Variants in GPM6A observed in about 807,000 individuals in gnomAD.
GPM6A encodes glycoprotein M6A, also known as neuronal membrane glycoprotein M6-a.
Under a neutral mutation model 32.1 loss-of-function variants are expected in GPM6A, and 7 were observed. That is an observed-to-expected ratio of 0.22 (90% CI 0.12 to 0.41). The LOEUF is 0.41. Among genes scored for constraint, GPM6A ranks in the 10% least tolerant of loss-of-function variants. The pLI is 1.00. For missense variants in GPM6A, 235 were observed against 347.2 expected, an observed-to-expected ratio of 0.68 and a Z score of 2.57; for synonymous variants, 130 against 123.4, an observed-to-expected ratio of 1.05 and a Z score of -0.35.
intron 1 of GPM6A, among the ~76,000 whole-genome samples, chr4:175,931,691 C>G (rs1488895544): frequency 6.8e-6 from 1 of 147,988 alleles, no homozygotes; most frequent in East Asian, 2.0e-4. Context: ...CACACACACA[C>G]ACACACACAC....
At chr4:175,860,403 T>A (rs987494540) in intron 1 of GPM6A, among the ~76,000 whole-genome samples, 2 of 152,134 alleles carry the variant, frequency 1.3e-5, no homozygotes, top group African/African-American at 4.8e-5. Context: ...AAGAATATAC[T>A]AGATTCTATG....
chr4:175,908,422 T>A (rs1738198937), intron 1 of GPM6A, among the ~76,000 whole-genome samples: 1 of 152,104 alleles, frequency 6.6e-6, no homozygotes, highest in Admixed American at 6.6e-5. Flanking sequence ...ACTGCCAATA[T>A]CCTACCAGTC....
intron 1 of GPM6A, among the ~76,000 whole-genome samples, chr4:175,868,101 C>T (rs1018294271): frequency 6.6e-6 from 1 of 152,200 alleles, no homozygotes; most frequent in Non-Finnish European, 1.5e-5. Flanking sequence ...GAGTTGTCCA[C>T]ATCAAGCCTC....
chr4:175,933,047 T>G (rs1311200077), intron 1 of GPM6A, among the ~76,000 whole-genome samples: 3 of 151,870 alleles, frequency 2.0e-5, no homozygotes, highest in African/African-American at 4.8e-5. Flanking sequence ...CTATATACTT[T>G]GTACAAGAAA....
At chr4:175,927,549 G>T (rs569152497) in intron 1 of GPM6A, among the ~76,000 whole-genome samples, 3 of 152,360 alleles carry the variant, frequency 2.0e-5, no homozygotes, top group Admixed American at 2.0e-4. Context: ...TGGATGCCTT[G>T]TTCATAGTTA....
intron 1 of GPM6A, among the ~76,000 whole-genome samples, chr4:175,774,433 A>C (rs897065810): frequency 6.6e-6 from 1 of 152,022 alleles, no homozygotes; most frequent in Admixed American, 6.6e-5. Context: ...CTCCCCTCTA[A>C]TCTTTAATAC....
intron 1 of GPM6A, among the ~76,000 whole-genome samples, chr4:175,831,601 C>A (rs1735612456): frequency 6.6e-6 from 1 of 152,204 alleles, no homozygotes; most frequent in South Asian, 2.1e-4. Flanking sequence ...CTACTCCCAC[C>A]CTTCTCCACC....
chr4:175,716,914 C>A (rs1198528168), intron 1 of GPM6A, among the ~76,000 whole-genome samples: 1 of 152,184 alleles, frequency 6.6e-6, no homozygotes, highest in Admixed American at 6.5e-5. Flanking sequence ...ATATGTGTCT[C>A]ATGGAAACAG....
chr4:175,957,620 G>A lies in GPM6A; in HGVS notation c.-23+44689C>T, dbSNP rs147394194. ...GGAGAAATACGTAATGTAGATGACC[G>A]GTTGATGGGTGCAGCAAACCACCAT... On this transcript the variant is annotated intron_variant, in intron 1 of 7. Transcript: ENST00000280187. Among the ~76,000 whole-genome samples, 640 of 152,146 alleles carry A rather than the reference G, an allele frequency of 4.2e-3. 6 individuals carry two copies. The highest frequency in any genetic ancestry group is 0.015 in the African/African-American group (616 of 41,508).
chr4:175,953,512 T>C (rs1313784467), intron 1 of GPM6A, among the ~76,000 whole-genome samples: 1 of 152,218 alleles, frequency 6.6e-6, no homozygotes. Context: ...CATGTCATTA[T>C]TTTTAGTTAA....
intron 1 of GPM6A, among the ~76,000 whole-genome samples, chr4:175,964,406 G>T (rs1462752918): frequency 6.6e-6 from 1 of 152,074 alleles, no homozygotes; most frequent in Non-Finnish European, 1.5e-5. Flanking sequence ...TAGTTCGCAG[G>T]GGCTATCATA....
intron 1 of GPM6A, among the ~76,000 whole-genome samples, chr4:175,831,715 C>CTCTTT (rs1553993666): frequency 1.4e-5 from 1 of 69,938 alleles, no homozygotes; most frequent in African/African-American, 5.6e-5. Context: ...TTAGCCATCT[C>CTCTTT]TTTTTTTTTT....
At chr4:175,715,017 C>T (rs540279950) in intron 1 of GPM6A, among the ~76,000 whole-genome samples, 54 of 150,322 alleles carry the variant, frequency 3.6e-4, no homozygotes, top group Non-Finnish European at 5.8e-4. Flanking sequence ...AAAAAACTAG[C>T]TTGAATTCCA....
chr4:175,995,585 C>T (rs776585491), intron 1 of GPM6A, among the ~76,000 whole-genome samples: 3 of 152,004 alleles, frequency 2.0e-5, no homozygotes, highest in Admixed American at 6.6e-5. Flanking sequence ...CATCATCAGT[C>T]GGATTACATG....
intron 1 of GPM6A, among the ~76,000 whole-genome samples, chr4:175,900,497 C>CAAAA (rs57140730): frequency 6.9e-6 from 1 of 144,250 alleles, no homozygotes; most frequent in Non-Finnish European, 1.5e-5. Flanking sequence ...ATACAAATGG[C>CAAAA]AAAAAAAAAA....
chr4:175,679,473 C>T (rs978600708), intron 2 of GPM6A, among the ~76,000 whole-genome samples: 1 of 152,068 alleles, frequency 6.6e-6, no homozygotes, highest in Non-Finnish European at 1.5e-5. Flanking sequence ...AACTAACAAG[C>T]GATCTGTGAG....
chr4:175,859,676 C>T (rs1332693882), intron 1 of GPM6A, among the ~76,000 whole-genome samples: 3 of 152,094 alleles, frequency 2.0e-5, no homozygotes, highest in African/African-American at 7.2e-5. Context: ...TCACTTGATT[C>T]CTACTTCTTG....
intron 1 of GPM6A, among the ~76,000 whole-genome samples, chr4:175,946,309 A>G (rs907082611): frequency 9.9e-5 from 15 of 152,204 alleles, no homozygotes; most frequent in African/African-American, 3.6e-4. Context: ...TAATGTTCCT[A>G]TCATCTTCCA....
intron 1 of GPM6A, among the ~76,000 whole-genome samples, chr4:175,914,161 TG>T (rs112560416): frequency 1.3e-4 from 19 of 150,022 alleles, no homozygotes; most frequent in East Asian, 4.0e-4. Context: ...AAAAAATGTG[TG>T]GGGGGGGTAG....
Sources: gnomAD v4.1 joint callset for allele counts (sites outside exome capture counted in the v4.1 genomes callset) on GRCh38, gnomAD v4.1.1 for gene constraint, MANE v1.5 for transcripts, NCBI Gene and HGNC (gene_info 2026-07-23, HGNC 2026-07-21) for gene names.